CADM2: variants seen among roughly 807,000 people sequenced by gnomAD.
The protein encoded by CADM2 is cell adhesion molecule 2, also known as immunoglobulin superfamily member 4D.
CADM2 carries 12 observed loss-of-function variants against 49.8 expected under a neutral mutation model. The observed-to-expected ratio is 0.24, with a 90% CI of 0.15 to 0.39. CADM2 has a LOEUF of 0.39. Among genes scored for constraint, CADM2 ranks in the 10% least tolerant of loss-of-function variants. The pLI is 1.00. For synonymous variants in CADM2, 214 were observed against 175.4 expected (o/e 1.22, Z -1.74); for missense variants, 378 against 492.3 (o/e 0.77, Z 2.20).
chr3:85,562,131 C>A (rs1255182617), intron 1 of CADM2, among the ~76,000 whole-genome samples: 1 of 151,988 alleles, frequency 6.6e-6, no homozygotes, highest in African/African-American at 2.4e-5. Flanking sequence ...ATATTATATA[C>A]CATTTTAGAG....
At chr3:85,949,633 A>G (rs1392542111) in intron 7 of CADM2, among the ~76,000 whole-genome samples, 2 of 151,232 alleles carry the variant, frequency 1.3e-5, no homozygotes, top group African/African-American at 2.4e-5. Context: ...AGTTTCAATT[A>G]TCTTCAAGCT....
chr3:85,520,735 C>A (rs73843640), intron 1 of CADM2, among the ~76,000 whole-genome samples: 3 of 151,990 alleles, frequency 2.0e-5, no homozygotes, highest in African/African-American at 7.2e-5. Flanking sequence ...TAAAGAAATA[C>A]ATTAATTAAA....
intron 8 of CADM2, among the ~76,000 whole-genome samples, chr3:86,001,534 T>C (rs549216365): frequency 1.3e-5 from 2 of 152,194 alleles, no homozygotes; most frequent in South Asian, 4.1e-4. Flanking sequence ...GCAAGTACAA[T>C]GAAAGGAAGA....
intron 1 of CADM2, among the ~76,000 whole-genome samples, chr3:85,607,363 G>A (rs1328451880): frequency 6.6e-6 from 1 of 152,116 alleles, no homozygotes; most frequent in Non-Finnish European, 1.5e-5. Flanking sequence ...GTGTGCAGGG[G>A]AGAAATGGGT....
intron 8 of CADM2, among the ~76,000 whole-genome samples, chr3:85,971,728 T>A (rs568503433): frequency 6.6e-6 from 1 of 151,748 alleles, no homozygotes; most frequent in East Asian, 2.0e-4. Context: ...ATTTTTTTCA[T>A]ACTTGAAATT....
At chr3:85,205,751 A>G (rs2041616424) in intron 1 of CADM2, among the ~76,000 whole-genome samples, 1 of 152,104 alleles carries the variant, frequency 6.6e-6, no homozygotes, top group African/African-American at 2.4e-5. Context: ...AAAAAAAAAG[A>G]TGTGAAGTTG....
At chr3:85,739,341 T>C (rs2068283300) in intron 2 of CADM2, among the ~76,000 whole-genome samples, 1 of 152,114 alleles carries the variant, frequency 6.6e-6, no homozygotes, top group South Asian at 2.1e-4. Context: ...TAGATGTCAA[T>C]TATCTTTATA....
At chr3:85,771,013 A>T (rs183195918) in intron 2 of CADM2, among the ~76,000 whole-genome samples, 17 of 152,258 alleles carry the variant, frequency 1.1e-4, no homozygotes, top group Admixed American at 1.0e-3. Context: ...GATAGGTGTA[A>T]TTTAAACTGT....
chr3:85,135,774 A>G (rs1047172888), intron 1 of CADM2, among the ~76,000 whole-genome samples: 3 of 152,076 alleles, frequency 2.0e-5, no homozygotes, highest in African/African-American at 7.2e-5. Flanking sequence ...CTTTTAATTT[A>G]TACATCCAGT....
intron 6 of CADM2, among the ~76,000 whole-genome samples, chr3:85,934,736 A>G (rs1720989049): frequency 1.3e-5 from 2 of 152,098 alleles, no homozygotes; most frequent in African/African-American, 2.4e-5. Context: ...TGAAAATTAC[A>G]CAATCGGTAG....
chr3:85,919,580 C>T (rs1319637661), intron 6 of CADM2, among the ~76,000 whole-genome samples: 1 of 151,798 alleles, frequency 6.6e-6, no homozygotes, highest in Non-Finnish European at 1.5e-5. Context: ...AATTGACAGT[C>T]CTGACCTTCT....
intron 1 of CADM2, among the ~76,000 whole-genome samples, chr3:85,622,544 A>G (rs2107494044): frequency 6.6e-6 from 1 of 152,256 alleles, no homozygotes; most frequent in African/African-American, 2.4e-5. Context: ...ACACAAAATT[A>G]ACATATGGAA....
At chr3:85,005,807 G>C (rs2033689648) in intron 1 of CADM2, among the ~76,000 whole-genome samples, 1 of 150,036 alleles carries the variant, frequency 6.7e-6, no homozygotes, top group Non-Finnish European at 1.5e-5. Context: ...TAATGGAATT[G>C]TGTGTGTTGT....
intron 1 of CADM2, among the ~76,000 whole-genome samples, chr3:85,079,926 G>T (rs1007936289): frequency 6.6e-6 from 1 of 151,724 alleles, no homozygotes; most frequent in African/African-American, 2.4e-5. Flanking sequence ...GGATGATGAA[G>T]GATGTACTAT....
Position 86,071,357 on chromosome 3 carries a change from A to G in CADM2, c.*4574A>G, listed in dbSNP as rs1181707835. 2 of 151,808 alleles carry G rather than the reference A, an allele frequency of 1.3e-5. No individual in the cohort carries two copies. Among genetic ancestry groups the G allele is most frequent in the Non-Finnish European group, 2.9e-5 (2 of 67,810 alleles). The allele number at this position is 151,808 out of a possible 1,614,324, so 9.4% of individuals were successfully genotyped here. A position where few individuals can be genotyped will look rare whatever the true frequency, so the allele number is the denominator to read the frequency against. On this transcript the variant is annotated 3_prime_UTR_variant, in exon 10 of 10. Coordinates refer to ENST00000383699, the MANE Select transcript of CADM2 (RefSeq NM_001167675.2). ...CTTTCTCTCTCTATTCTACCCCCAAACAAGCCCTTTGCACTCATACCCTTC... is the reference window on the plus strand; with the variant it reads ...CTTTCTCTCTCTATTCTACCCCCAAGCAAGCCCTTTGCACTCATACCCTTC...
At chr3:85,449,237 T>G (rs188375016) in intron 1 of CADM2, among the ~76,000 whole-genome samples, 1 of 151,884 alleles carries the variant, frequency 6.6e-6, no homozygotes, top group East Asian at 1.9e-4. Context: ...GGCCTTTTAT[T>G]TAAAGCATTA....
intron 1 of CADM2, among the ~76,000 whole-genome samples, chr3:85,433,765 G>A (rs183425991): frequency 1.3e-5 from 2 of 152,158 alleles, no homozygotes; most frequent in East Asian, 1.9e-4. Flanking sequence ...TTAGAGATAC[G>A]AGTCTAACTT....
chr3:85,125,935 T>A (rs568365018), intron 1 of CADM2, among the ~76,000 whole-genome samples: 1 of 152,342 alleles, frequency 6.6e-6, no homozygotes, highest in African/African-American at 2.4e-5. Context: ...TCTTTTTGTT[T>A]TGAGATAATT....
At chr3:85,780,852 A>T (rs1386699196) in intron 2 of CADM2, among the ~76,000 whole-genome samples, 1 of 152,184 alleles carries the variant, frequency 6.6e-6, no homozygotes, top group East Asian at 1.9e-4. Flanking sequence ...TTCCATACAG[A>T]CTTTGGGCTT....
Sources: allele counts gnomAD v4.1 joint callset (sites outside exome capture counted in the v4.1 genomes callset), GRCh38; gene constraint gnomAD v4.1.1; transcripts MANE v1.5; gene names NCBI Gene and HGNC (gene_info 2026-07-23, HGNC 2026-07-21).